The following OR13C5 variants were observed in gnomAD, a reference collection of about 807,000 sequenced individuals.
OR13C5 encodes olfactory receptor 13C5.
OR13C5 carries 9 observed loss-of-function variants against 12.4 expected under a neutral mutation model. The observed-to-expected ratio is 0.72, with a 90% CI of 0.44 to 1.26. The LOEUF is 1.26. Among genes scored for constraint, OR13C5 ranks in the 50% most tolerant of loss-of-function variants. The pLI, the probability that OR13C5 is intolerant of heterozygous loss-of-function variation, is 0.00. For missense variants in OR13C5, 361 were observed against 374.4 expected, an observed-to-expected ratio of 0.96 and a Z score of 0.29; for synonymous variants, 124 against 139.4, an observed-to-expected ratio of 0.89 and a Z score of 0.78.
Position 104,599,315 on chromosome 9 carries a change from T to C in OR13C5, c.99A>G (p.Ile33Met), listed in dbSNP as rs751728032. 1.2e-6 allele frequency: 2 copies of C among 1,606,884 alleles called. No homozygotes were observed. Among genetic ancestry groups the C allele is most frequent in the Non-Finnish European group, 1.7e-6 (2 of 1,175,992 alleles). The change falls in exon 1 of 1, where the codon ATA (isoleucine) becomes ATG (methionine). Residue 33 changes from isoleucine (I) to methionine (M), a missense_variant. By Grantham distance (10) the Ile-to-Met change is conservative (BLOSUM62 1). Around this residue, in one of 2 missense-constraint regions of OR13C5, gnomAD observed 67 missense variants for 106.4 expected, o/e 0.63. Transcript: ENST00000374779. ...TCCCCAGAAGGATGACCACATACAT[T>C]ATGAAGATGAGCACAAAAAAGAGTA... ...LELLFFVLIFIMYVVILLGNG... is the reference protein window; with the variant it reads ...LELLFFVLIFMMYVVILLGNG...
Position 104,598,648 on chromosome 9 carries a change from A to T in OR13C5, c.766T>A (p.Phe256Ile). The change falls in exon 1 of 1, where the codon TTC becomes ATC. Residue 256 changes from phenylalanine (F) to isoleucine (I), a missense_variant. Physicochemically the swap from Phe to Ile is conservative, Grantham distance 21 (BLOSUM62 0). Coordinates refer to ENST00000374779, the MANE Select transcript of OR13C5 (RefSeq NM_001004482.1). ...TVVITFCGTIFLMYMKPKSQE... is the reference protein window; with the variant it reads ...TVVITFCGTIILMYMKPKSQE... The stretch of plus-strand genomic sequence containing the variant: ...GACTTGGGCTTCATGTACATGAGGA[A>T]GATGGTCCCACAGAATGTTATCACC... 1 of 1,613,960 alleles carries T rather than the reference A, an allele frequency of 6.2e-7. No homozygotes were observed. Among genetic ancestry groups the T allele is most frequent in the Non-Finnish European group, 8.5e-7 (1 of 1,179,934 alleles).
At position 104,598,625 on chromosome 9, in the gene OR13C5, C is replaced by G; in HGVS notation, c.789G>C (p.Lys263Asn). ...GTIFLMYMKP[K>N]SQETLNSDDL... ...CATCTGAATTAAGTGTCTCTTGAGA[C>G]TTGGGCTTCATGTACATGAGGAAGA... Residue 263 changes from lysine (K) to asparagine (N), a missense_variant, in exon 1 of 1, where the codon AAG (lysine) becomes AAC (asparagine). By Grantham distance (94) the Lys-to-Asn change is moderately conservative. Around this residue, in one of 2 missense-constraint regions of OR13C5, gnomAD observed 294 missense variants for 268.0 expected, o/e 1.10. Transcript: ENST00000374779. 6.2e-7 allele frequency: 1 copy of G among 1,613,926 alleles called. No individual in the cohort carries two copies. Among genetic ancestry groups the G allele is most frequent in the South Asian group, 1.1e-5 (1 of 91,076 alleles).
Position 104,598,587 on chromosome 9 carries a change from G to T in OR13C5, c.827C>A (p.Thr276Asn). Reference protein sequence around the residue: ...ETLNSDDLDATDKLIFIFYRV... With the variant: ...ETLNSDDLDANDKLIFIFYRV... ...GTAGAATATGAATATAAGTTTGTCA[G>T]TGGCATCCAAGTCATCTGAATTAAG... Residue 276 changes from threonine to asparagine, a missense_variant, in exon 1 of 1, where the codon ACT becomes AAT. By Grantham distance (65) the Thr-to-Asn change is moderately conservative (BLOSUM62 0). Coordinates refer to ENST00000374779, the MANE Select transcript of OR13C5 (RefSeq NM_001004482.1). 1 of 1,613,688 alleles carries T rather than the reference G, an allele frequency of 6.2e-7. No homozygotes were observed. The highest frequency in any genetic ancestry group is 8.5e-7 in the Non-Finnish European group (1 of 1,179,758).
chr9:104,598,714 T>A lies in OR13C5; in HGVS notation c.700A>T (p.Arg234Ter). Residue 234 changes from arginine (R) to a stop codon, truncating the protein, a stop_gained, in exon 1 of 1, where the codon AGA (arginine) becomes TGA (stop). Coordinates refer to ENST00000374779, the MANE Select transcript of OR13C5 (RefSeq NM_001004482.1). LOFTEE classifies it high-confidence loss of function. ...GAGCAGGTAGAGGAAGGTTTGCTTCTCCCCTCCGAAGAGCTAATTTTGAAG... is the reference window on the plus strand; with the variant it reads ...GAGCAGGTAGAGGAAGGTTTGCTTCACCCCTCCGAAGAGCTAATTTTGAAG... Reference protein sequence around the residue: ...SIFKISSSEGRSKPSSTCSAR... With the variant: ...SIFKISSSEG 6.2e-7 allele frequency: 1 copy of A among 1,613,930 alleles called. No homozygotes were observed. Among genetic ancestry groups the A allele is most frequent in the Non-Finnish European group, 8.5e-7 (1 of 1,179,936 alleles).
rs1250130934 is a variant in OR13C5 at position 104,598,681 on chromosome 9, G to C, written c.733C>G (p.Leu245Val). Residue 245 changes from leucine (L) to valine (V), a missense_variant, in exon 1 of 1, where the codon CTG becomes GTG. Physicochemically the swap from Leu to Val is conservative, Grantham distance 32 (BLOSUM62 1). Coordinates refer to ENST00000374779, the MANE Select transcript of OR13C5 (RefSeq NM_001004482.1). ...CCACAGAATGTTATCACCACAGTCA[G>C]ACGAGCTGAGCAGGTAGAGGAAGGT... The part of the protein sequence containing the change: ...SKPSSTCSAR[L>V]TVVITFCGTI... 2 of 1,613,858 alleles carry C rather than the reference G, an allele frequency of 1.2e-6. No homozygotes were observed. Among genetic ancestry groups the C allele is most frequent in the Admixed American group, 1.7e-5 (1 of 59,968 alleles).
Position 104,599,193 on chromosome 9 carries a change from G to A in OR13C5, c.221C>T (p.Thr74Ile). The A allele has an allele frequency of 6.2e-7, 1 of 1,611,380 alleles. No individual in the cohort carries two copies. The highest frequency in any genetic ancestry group is 1.1e-5 in the South Asian group (1 of 90,916). Residue 74 changes from threonine to isoleucine, a missense_variant, in exon 1 of 1, where the codon ACC (threonine) becomes ATC (isoleucine). Physicochemically the swap from Thr to Ile is moderately conservative, Grantham distance 89. Transcript: ENST00000374779. ...TAGCGTGGAGGGAATAGAGGTGGTG[G>A]TGTAGCAGATGTCCAAGAAGGAGAG... ...GNLSFLDICY[T>I]TTSIPSTLVS...
Position 104,598,687 on chromosome 9 carries a change from C to G in OR13C5, c.727G>C (p.Ala243Pro). Residue 243 changes from alanine (A) to proline (P), a missense_variant, in exon 1 of 1, where the codon GCT (alanine) becomes CCT (proline). By Grantham distance (27) the Ala-to-Pro change is conservative. Transcript: ENST00000374779. ...GRSKPSSTCSARLTVVITFCG... is the reference protein window; with the variant it reads ...GRSKPSSTCSPRLTVVITFCG... Reference sequence around the variant, plus strand: ...AATGTTATCACCACAGTCAGACGAGCTGAGCAGGTAGAGGAAGGTTTGCTT... The same window carrying G: ...AATGTTATCACCACAGTCAGACGAGGTGAGCAGGTAGAGGAAGGTTTGCTT... The G allele has an allele frequency of 6.2e-7, 1 of 1,613,958 alleles. No individual in the cohort carries two copies. The highest frequency in any genetic ancestry group is 1.1e-5 in the South Asian group (1 of 91,082).
In OR13C5 at chr9:104,598,537, G is replaced by C. The variant is rs781701740; in HGVS notation, c.877C>G (p.Pro293Ala). 44 of 1,612,880 alleles carry C rather than the reference G, an allele frequency of 2.7e-5. 2 individuals are homozygous for C. The South Asian group carries it at 4.8e-4, about 18-fold the overall frequency. ...TTGTTTCTAAGACTGTAGATTAAAG[G>C]ATTCATCATGGGAGTCATCACCCTG... is the stretch of plus-strand genomic sequence containing the variant. The part of the protein sequence containing the change: ...FYRVMTPMMN[P>A]LIYSLRNKDV... Residue 293 changes from proline to alanine, a missense_variant, in exon 1 of 1, where the codon CCT becomes GCT. By Grantham distance (27) the Pro-to-Ala change is conservative. Coordinates refer to ENST00000374779, the MANE Select transcript of OR13C5 (RefSeq NM_001004482.1).
At position 104,598,621 on chromosome 9, in the gene OR13C5, G is replaced by T. The variant is rs199850032; in HGVS notation, c.793C>A (p.Gln265Lys). ...IFLMYMKPKS[Q>K]ETLNSDDLDA... Reference sequence around the variant, plus strand: ...AAGTCATCTGAATTAAGTGTCTCTTGAGACTTGGGCTTCATGTACATGAGG... The same window carrying T: ...AAGTCATCTGAATTAAGTGTCTCTTTAGACTTGGGCTTCATGTACATGAGG... Residue 265 changes from glutamine to lysine, a missense_variant, in exon 1 of 1, where the codon CAA becomes AAA. Coordinates refer to ENST00000374779, the MANE Select transcript of OR13C5 (RefSeq NM_001004482.1). The T allele has an allele frequency of 8.9e-5, 144 of 1,613,794 alleles. No individual in the cohort carries two copies. The highest frequency in any genetic ancestry group is 3.3e-4 in the Middle Eastern group (2 of 6,078).
rs775120427 is a variant in OR13C5 at position 104,599,285 on chromosome 9, A to G, written c.129T>C (p.Gly43=). The change falls in exon 1 of 1, where the codon GGT becomes GGC. Residue 43 remains glycine (G), a synonymous_variant. Coordinates refer to ENST00000374779, the MANE Select transcript of OR13C5 (RefSeq NM_001004482.1). ...CCAAGATGCTGATTAAAATGAGAGT[A>G]CCATTCCCCAGAAGGATGACCACAT... The part of the protein sequence containing the change: ...IMYVVILLGN[G]TLILISILDP... 6 of 1,607,476 alleles carry G rather than the reference A, an allele frequency of 3.7e-6. No individual in the cohort carries two copies. The highest frequency in any genetic ancestry group is 4.3e-6 in the Non-Finnish European group (5 of 1,175,514).
rs1181634665 is a variant in OR13C5, at chr9:104,598,484, T to C, written c.930A>G (p.Leu310=). The part of the protein sequence containing the change: ...NKDVKEAVKH[L]LRRKNFNK ...ACTTGTTAAAATTTTTTCTTCTCAG[T>C]AGGTGTTTTACTGCCTCCTTCACAT... The change falls in exon 1 of 1, where the codon CTA becomes CTG. Residue 310 remains leucine (L), a synonymous_variant. Coordinates refer to ENST00000374779, the MANE Select transcript of OR13C5 (RefSeq NM_001004482.1). 1.9e-6 allele frequency: 3 copies of C among 1,549,204 alleles called. No homozygotes were observed. Among genetic ancestry groups the C allele is most frequent in the East Asian group, 2.3e-5 (1 of 42,592 alleles).
In OR13C5 at chr9:104,598,590, G is replaced by A; in HGVS notation, c.824C>T (p.Ala275Val). 2 of 1,613,608 alleles carry A rather than the reference G, an allele frequency of 1.2e-6. No homozygotes were observed. The highest frequency in any genetic ancestry group is 3.3e-5 in the Admixed American group (2 of 59,946). The change falls in exon 1 of 1, where the codon GCC becomes GTC. Residue 275 changes from alanine to valine, a missense_variant. Around this residue, in one of 2 missense-constraint regions of OR13C5, gnomAD observed 294 missense variants for 268.0 expected, o/e 1.10. Coordinates refer to ENST00000374779, the MANE Select transcript of OR13C5 (RefSeq NM_001004482.1). ...GAATATGAATATAAGTTTGTCAGTG[G>A]CATCCAAGTCATCTGAATTAAGTGT... ...QETLNSDDLDATDKLIFIFYR... is the reference protein window; with the variant it reads ...QETLNSDDLDVTDKLIFIFYR...
Position 104,599,038 on chromosome 9 carries a change from T to C in OR13C5, c.376A>G (p.Ile126Val). Reference sequence around the variant, plus strand: ...ATGGGATATCTCAGAGGGTTGCAGATAGCCACATAGCGGTCAAAGGCCATC... The same window carrying C: ...ATGGGATATCTCAGAGGGTTGCAGACAGCCACATAGCGGTCAAAGGCCATC... Reference protein sequence around the residue: ...GVMAFDRYVAICNPLRYPIIM... With the variant: ...GVMAFDRYVAVCNPLRYPIIM... Residue 126 changes from isoleucine to valine, a missense_variant, in exon 1 of 1, where the codon ATC becomes GTC. Transcript: ENST00000374779. 1 of 1,613,552 alleles carries C rather than the reference T, an allele frequency of 6.2e-7. No individual in the cohort carries two copies.
Position 104,599,198 on chromosome 9 carries a change from G to A in OR13C5, c.216C>T (p.Cys72=). 3 of 1,611,310 alleles carry A rather than the reference G, an allele frequency of 1.9e-6. No individual in the cohort carries two copies. The highest frequency in any genetic ancestry group is 2.5e-6 in the Non-Finnish European group (3 of 1,178,586). ...FLGNLSFLDI[C]YTTTSIPSTL... ...TGGAGGGAATAGAGGTGGTGGTGTAGCAGATGTCCAAGAAGGAGAGGTTCC... is the reference window on the plus strand; with the variant it reads ...TGGAGGGAATAGAGGTGGTGGTGTAACAGATGTCCAAGAAGGAGAGGTTCC... The change falls in exon 1 of 1, where the codon TGC becomes TGT. Residue 72 remains cysteine, a synonymous_variant. Transcript: ENST00000374779.
In OR13C5 at chr9:104,598,670, C is replaced by T. The variant is rs759548026; in HGVS notation, c.744G>A (p.Val248=). 2 of 1,613,930 alleles carry T rather than the reference C, an allele frequency of 1.2e-6. No individual in the cohort carries two copies. Among genetic ancestry groups the T allele is most frequent in the Non-Finnish European group, 1.7e-6 (2 of 1,179,918 alleles). Residue 248 remains valine (V), a synonymous_variant, in exon 1 of 1, where the codon GTG becomes GTA. Transcript: ENST00000374779. ...SSTCSARLTV[V]ITFCGTIFLM... ...GGAAGATGGTCCCACAGAATGTTAT[C>T]ACCACAGTCAGACGAGCTGAGCAGG...
Position 104,598,750 on chromosome 9 carries a change from T to C in OR13C5, c.664A>G (p.Ile222Val), listed in dbSNP as rs775405344. ...GAGCTAATTTTGAAGATGCTCAAAA[T>C]GATTAACGTGTAAGAGACAATAATT... is the stretch of plus-strand genomic sequence containing the variant. ...LLIIVSYTLI[I>V]LSIFKISSSE... Residue 222 changes from isoleucine to valine, a missense_variant, in exon 1 of 1, where the codon ATT (isoleucine) becomes GTT (valine). By Grantham distance (29) the Ile-to-Val change is conservative. Coordinates refer to ENST00000374779, the MANE Select transcript of OR13C5 (RefSeq NM_001004482.1). 1.9e-6 allele frequency: 3 copies of C among 1,614,014 alleles called. No homozygotes were observed. Among genetic ancestry groups the C allele is most frequent in the East Asian group, 4.5e-5 (2 of 44,870 alleles).
At position 104,598,825 on chromosome 9, in the gene OR13C5, A is replaced by G; in HGVS notation, c.589T>C (p.Phe197Leu). ...AATGTTGTGGTCACAAGCAGGATGA[A>G]CTCATTGCCTGAGATGTCAGCACAG... Reference protein sequence around the residue: ...LACADISGNEFILLVTTTLFL... With the variant: ...LACADISGNELILLVTTTLFL... Residue 197 changes from phenylalanine to leucine, a missense_variant, in exon 1 of 1, where the codon TTC becomes CTC. By Grantham distance (22) the Phe-to-Leu change is conservative. Transcript: ENST00000374779. 1.9e-6 allele frequency: 3 copies of G among 1,614,070 alleles called. No homozygotes were observed. The highest frequency in any genetic ancestry group is 2.5e-6 in the Non-Finnish European group (3 of 1,179,970).
rs1315022310 is a variant in OR13C5 at position 104,598,705 on chromosome 9, G to A, written c.709C>T (p.Pro237Ser). Residue 237 changes from proline to serine, a missense_variant, in exon 1 of 1, where the codon CCT (proline) becomes TCT (serine). By Grantham distance (74) the Pro-to-Ser change is moderately conservative. Coordinates refer to ENST00000374779, the MANE Select transcript of OR13C5 (RefSeq NM_001004482.1). ...KISSSEGRSK[P>S]SSTCSARLTV... ...AGACGAGCTGAGCAGGTAGAGGAAG[G>A]TTTGCTTCTCCCCTCCGAAGAGCTA... is the stretch of plus-strand genomic sequence containing the variant. 6.2e-7 allele frequency: 1 copy of A among 1,613,934 alleles called. No individual in the cohort carries two copies. Among genetic ancestry groups the A allele is most frequent in the Admixed American group, 1.7e-5 (1 of 59,978 alleles).
rs1483627585 is a variant in OR13C5, at chr9:104,598,666, T to TTA, written c.746_747dup (p.Thr250Ter). 6.2e-7 allele frequency: 1 copy of TTA among 1,613,860 alleles called. No homozygotes were observed. Among genetic ancestry groups the TTA allele is most frequent in the Non-Finnish European group, 8.5e-7 (1 of 1,179,930 alleles). Reference sequence around the variant, plus strand: ...ATGAGGAAGATGGTCCCACAGAATGTTATCACCACAGTCAGACGAGCTGAG... The same window carrying TTA: ...ATGAGGAAGATGGTCCCACAGAATGTTATATCACCACAGTCAGACGAGCTGAG... On this transcript the variant is annotated frameshift_variant, in exon 1 of 1. Coordinates refer to ENST00000374779, the MANE Select transcript of OR13C5 (RefSeq NM_001004482.1). LOFTEE classifies it high-confidence loss of function.
Sources: gnomAD v4.1 joint callset for allele counts on GRCh38, gnomAD v4.1.1 for gene constraint, gnomAD v4.1.1 regional missense constraint, MANE v1.5 for transcripts, NCBI Gene and HGNC (gene_info 2026-07-23, HGNC 2026-07-21) for gene names.